Variants in TRIM11 observed in about 807,000 individuals in gnomAD.
TRIM11 encodes the protein tripartite motif containing 11, also known as E3 ubiquitin-protein ligase TRIM11.
In TRIM11, 15 loss-of-function variants were observed where a neutral mutation model predicts 33.4. The observed-to-expected ratio is 0.45, with a 90% CI of 0.30 to 0.69. The LOEUF is 0.69. Ranked by LOEUF, TRIM11 falls within the 30% of genes least tolerant of loss-of-function variation. TRIM11 has a pLI of 0.08. For synonymous variants in TRIM11, 281 were observed against 302.6 expected, an observed-to-expected ratio of 0.93 and a Z score of 0.74; for missense variants, 499 against 667.6, an observed-to-expected ratio of 0.75 and a Z score of 2.78.
At position 228,396,774 on chromosome 1, in the gene TRIM11, C is replaced by T. The variant is rs1401704200; in HGVS notation, c.859+173G>A. 8.2e-6 allele frequency: 6 copies of T among 728,094 alleles called. No homozygotes were observed. The Admixed American group carries it at 1.0e-4, about 12-fold the overall frequency. The allele number at this position is 728,094 out of a possible 1,614,324, so 45.1% of individuals were successfully genotyped here. A position where few individuals can be genotyped will look rare whatever the true frequency, so the allele number is the denominator to read the frequency against. The stretch of plus-strand genomic sequence containing the variant: ...AAGAATTGTTTGGTGTGAAAATACC[C>T]ACACAACTGATGTCAGAAGTATGAG... On this transcript the variant is annotated intron_variant, in intron 5 of 5. Coordinates refer to ENST00000284551, the MANE Select transcript of TRIM11 (RefSeq NM_145214.3).
At chr1:228,397,405 G>C (rs76720744) in intron 3 of TRIM11, 2 of 552,512 alleles carry the variant, frequency 3.6e-6, no homozygotes, top group Admixed American at 3.4e-5. Context: ...CCAGCCCTGC[G>C]GACCAAGGCC....
At chr1:228,404,230 G>C (rs1455249108) in intron 1 of TRIM11, 1 of 152,322 alleles carries the variant, frequency 6.6e-6, no homozygotes, top group Non-Finnish European at 1.5e-5. Flanking sequence ...ACAACCCAGA[G>C]AGATCTGGGG....
chr1:228,395,517 C>CTTTTT lies in TRIM11; in HGVS notation c.860-270_860-266dup. Reference sequence around the variant, plus strand: ...AGATATCAAGAGGGAATCTTGGTTGCTTTTTTTTTTTTTTTTAAAGAGGCA... The same window carrying CTTTTT: ...AGATATCAAGAGGGAATCTTGGTTGCTTTTTTTTTTTTTTTTTTTTTAAAGAGGCA... On this transcript the variant is annotated intron_variant, in intron 5 of 5. Transcript: ENST00000284551. The surrounding 1 kb of genome is among the most constrained non-coding windows in gnomAD (Gnocchi z 4.8). 1 of 238,992 alleles carries CTTTTT rather than the reference C, an allele frequency of 4.2e-6. No individual in the cohort carries two copies. Among genetic ancestry groups the CTTTTT allele is most frequent in the Non-Finnish European group, 7.7e-6 (1 of 129,580 alleles). 14.8% of individuals were successfully genotyped at this position (238,992 alleles called of 1,614,324 possible).
chr1:228,401,046 A>C lies in TRIM11; in HGVS notation c.653T>G (p.Leu218Arg). 6.2e-7 allele frequency: 1 copy of C among 1,612,294 alleles called. No individual in the cohort carries two copies. The highest frequency in any genetic ancestry group is 2.2e-5 in the East Asian group (1 of 44,826). ...AGCTAGGTGGGCGCTCTGCTGGCCT[A>C]GGTGGGCTGCGCCCTCCCGCAGCCG... Reference protein sequence around the residue: ...LPRLREGAAHLGQQSAHLAEL... With the variant: ...LPRLREGAAHRGQQSAHLAEL... Residue 218 changes from leucine to arginine, a missense_variant, in exon 3 of 6, where the codon CTA becomes CGA. Coordinates refer to ENST00000284551, the MANE Select transcript of TRIM11 (RefSeq NM_145214.3). This position sits in a 1 kb window ranked among gnomAD's most constrained non-coding sequence, Gnocchi z 6.1.
chr1:228,406,082 C>CG lies in TRIM11; in HGVS notation c.408+71_408+72insC. On this transcript the variant is annotated intron_variant, in intron 1 of 5. Coordinates refer to ENST00000284551, the MANE Select transcript of TRIM11 (RefSeq NM_145214.3). This position sits in a 1 kb window ranked among gnomAD's most constrained non-coding sequence, Gnocchi z 8.2. ...TTACTCCCGGAGCAGTCCCCCAAAC[C>CG]TCCCACCCGCCCAGGCCTCCCCAGT... is the stretch of plus-strand genomic sequence containing the variant. 8 of 1,269,978 alleles carry CG rather than the reference C, an allele frequency of 6.3e-6. No homozygotes were observed. The highest frequency in any genetic ancestry group is 1.6e-5 in the African/African-American group (1 of 63,280). The allele number at this position is 1,269,978 out of a possible 1,614,324, so 78.7% of individuals were successfully genotyped here.
In TRIM11 at chr1:228,394,935, C is replaced by A; in HGVS notation, c.1177G>T (p.Ala393Ser). Residue 393 changes from alanine to serine, a missense_variant, in exon 6 of 6, where the codon GCC (alanine) becomes TCC (serine). By Grantham distance (99) the Ala-to-Ser change is moderately conservative. Coordinates refer to ENST00000284551, the MANE Select transcript of TRIM11 (RefSeq NM_145214.3). This position sits in a 1 kb window ranked among gnomAD's most constrained non-coding sequence, Gnocchi z 6.2. The part of the protein sequence containing the change: ...LGSYYNSSER[A>S]LAPLRDPPRR... ...GGTGGGTCCCGGAGTGGAGCCAAGG[C>A]CCGTTCCGAGGAATTGTAATAGCTC... is the stretch of plus-strand genomic sequence containing the variant. 3 of 1,614,134 alleles carry A rather than the reference C, an allele frequency of 1.9e-6. No individual in the cohort carries two copies. The highest frequency in any genetic ancestry group is 2.2e-5 in the South Asian group (2 of 91,086).
At position 228,400,197 on chromosome 1, in the gene TRIM11, C is replaced by A. The variant is rs1294329433; in HGVS notation, c.735+767G>T. On this transcript the variant is annotated intron_variant, in intron 3 of 5. Transcript: ENST00000284551. The surrounding 1 kb of genome is among the most constrained non-coding windows in gnomAD (Gnocchi z 4.5). The stretch of plus-strand genomic sequence containing the variant: ...CCCCTTGAGTCTACACCATGCTGGG[C>A]ATGGAACACGTTCTCCATTTTGTGG... 6.6e-6 allele frequency among the ~76,000 whole-genome samples: 1 copy of A among 152,274 alleles called. No individual in the cohort carries two copies. Among genetic ancestry groups the A allele is most frequent in the Admixed American group, 6.5e-5 (1 of 15,294 alleles).
In TRIM11 at chr1:228,395,131, G is replaced by C; in HGVS notation, c.981C>G (p.Pro327=). Residue 327 remains proline, a synonymous_variant, in exon 6 of 6, where the codon CCC becomes CCG. Coordinates refer to ENST00000284551, the MANE Select transcript of TRIM11 (RefSeq NM_145214.3). This position sits in a 1 kb window ranked among gnomAD's most constrained non-coding sequence, Gnocchi z 4.8. Reference sequence around the variant, plus strand: ...GCTCCTGGCCCAGCACGCAGGGGCCGGGGTCAAAGCGCTCTGGGCTGTCCG... The same window carrying C: ...GCTCCTGGCCCAGCACGCAGGGGCCCGGGTCAAAGCGCTCTGGGCTGTCCG... ...ALPDSPERFD[P]GPCVLGQERF... is the part of the protein sequence containing the mutation. 6.3e-7 allele frequency: 1 copy of C among 1,577,454 alleles called. No homozygotes were observed. Among genetic ancestry groups the C allele is most frequent in the South Asian group, 1.2e-5 (1 of 86,202 alleles).
In TRIM11 at chr1:228,395,346, T is replaced by A; in HGVS notation, c.860-94A>T. The A allele has an allele frequency of 3.0e-6, 4 of 1,319,422 alleles. No individual in the cohort carries two copies. Among genetic ancestry groups the A allele is most frequent in the Non-Finnish European group, 3.9e-6 (4 of 1,024,626 alleles). 81.7% of individuals were successfully genotyped at this position (1,319,422 alleles called of 1,614,324 possible). On this transcript the variant is annotated intron_variant, in intron 5 of 5. Transcript: ENST00000284551. The surrounding 1 kb of genome is among the most constrained non-coding windows in gnomAD (Gnocchi z 4.8). Reference sequence around the variant, plus strand: ...GGGCATGTAGGTACAATCCTCCCAGTCGGACGGCCTGGCTCTCTGCCCTGG... The same window carrying A: ...GGGCATGTAGGTACAATCCTCCCAGACGGACGGCCTGGCTCTCTGCCCTGG...
At position 228,406,026 on chromosome 1, in the gene TRIM11, T is replaced by A. The variant is rs925808810; in HGVS notation, c.408+128A>T. ...CCTCACAGGCCCACAGCAGGCTGCA[T>A]CCTGAGCTCCCCGCCCTAGACAGAG... On this transcript the variant is annotated intron_variant, in intron 1 of 5. Transcript: ENST00000284551. This position sits in a 1 kb window ranked among gnomAD's most constrained non-coding sequence, Gnocchi z 8.2. 8 of 1,123,842 alleles carry A rather than the reference T, an allele frequency of 7.1e-6. No individual in the cohort carries two copies. The highest frequency in any genetic ancestry group is 8.1e-6 in the Non-Finnish European group (7 of 866,912). The allele number at this position is 1,123,842 out of a possible 1,614,324, so 69.6% of individuals were successfully genotyped here.
chr1:228,398,635 A>G (rs1399826907), intron 3 of TRIM11, among the ~76,000 whole-genome samples: 1 of 152,122 alleles, frequency 6.6e-6, no homozygotes, highest in Non-Finnish European at 1.5e-5. Context: ...TCATAAATAA[A>G]TAAATAAAGA....
Position 228,406,514 on chromosome 1 carries a change from G to T in TRIM11, c.48C>A (p.Cys16Ter). 2 of 1,578,588 alleles carry T rather than the reference G, an allele frequency of 1.3e-6. No individual in the cohort carries two copies. The highest frequency in any genetic ancestry group is 8.6e-7 in the Non-Finnish European group (1 of 1,163,658). The part of the protein sequence containing the change: ...LSTNLQEEAT[C>*]AICLDYFTDP... ...CCGTGAAGTAGTCGAGGCAGATGGC[G>T]CAGGTGGCCTCCTCCTGGAGGTTGG... Residue 16 changes from cysteine (C) to a stop codon, truncating the protein, a stop_gained, in exon 1 of 6, where the codon TGC becomes TGA. Transcript: ENST00000284551. LOFTEE classifies it high-confidence loss of function. The surrounding 1 kb of genome is among the most constrained non-coding windows in gnomAD (Gnocchi z 8.2).
Position 228,395,206 on chromosome 1 carries a change from C to G in TRIM11, c.906G>C (p.Leu302=). Residue 302 remains leucine (L), a synonymous_variant, in exon 6 of 6, where the codon CTG becomes CTC. Coordinates refer to ENST00000284551, the MANE Select transcript of TRIM11 (RefSeq NM_145214.3). The surrounding 1 kb of genome is among the most constrained non-coding windows in gnomAD (Gnocchi z 4.8). ...GCTGCACGCTCCGCCTGTCTTCAGACAGGATCAGCTCAGGGTTGGCGGTGT... is the reference window on the plus strand; with the variant it reads ...GCTGCACGCTCCGCCTGTCTTCAGAGAGGATCAGCTCAGGGTTGGCGGTGT... The part of the protein sequence containing the change: ...DPDTANPELI[L]SEDRRSVQRG... 6.7e-7 allele frequency: 1 copy of G among 1,495,406 alleles called. No homozygotes were observed. 92.6% of individuals were successfully genotyped at this position (1,495,406 alleles called of 1,614,324 possible).
At position 228,395,677 on chromosome 1, in the gene TRIM11, A is replaced by G. The variant is rs1377951396; in HGVS notation, c.860-425T>C. 6.2e-6 allele frequency: 1 copy of G among 160,304 alleles called. No individual in the cohort carries two copies. Among genetic ancestry groups the G allele is most frequent in the African/African-American group, 2.4e-5 (1 of 41,728 alleles). The allele number at this position is 160,304 out of a possible 1,614,324, so 9.9% of individuals were successfully genotyped here. On this transcript the variant is annotated intron_variant, in intron 5 of 5. Transcript: ENST00000284551. This position sits in a 1 kb window ranked among gnomAD's most constrained non-coding sequence, Gnocchi z 4.8. ...GCTGGGATTACAGGCGTGTGCCACC[A>G]TGGCTGGCTCATTTTTTTGTTTTTT...
At position 228,401,086 on chromosome 1, in the gene TRIM11, G is replaced by C; in HGVS notation, c.613C>G (p.Leu205Val). ...TCCCGCAGCCGGGGCAGCACCTCCA[G>C]CTCCTCCTCCTCCAGCCTCTGCAGC... ...QLLQRLEEEE[L>V]EVLPRLREGA... The change falls in exon 3 of 6, where the codon CTG (leucine) becomes GTG (valine). Residue 205 changes from leucine (L) to valine (V), a missense_variant. Coordinates refer to ENST00000284551, the MANE Select transcript of TRIM11 (RefSeq NM_145214.3). The surrounding 1 kb of genome is among the most constrained non-coding windows in gnomAD (Gnocchi z 6.1). 3 of 1,613,352 alleles carry C rather than the reference G, an allele frequency of 1.9e-6. No individual in the cohort carries two copies. Among genetic ancestry groups the C allele is most frequent in the Non-Finnish European group, 2.5e-6 (3 of 1,179,866 alleles).
In TRIM11 at chr1:228,394,801, C is replaced by T. The variant is rs1348422380; in HGVS notation, c.1311G>A (p.Thr437=). 22 of 1,613,936 alleles carry T rather than the reference C, an allele frequency of 1.4e-5. No individual in the cohort carries two copies. The highest frequency in any genetic ancestry group is 1.6e-4 in the Middle Eastern group (1 of 6,080). ...ACAGGGGTGAGAAGAGGGGCCGCAG[C>T]GTCCCCGAGAAGGGGATCTCGGGAA... ...FIFPEIPFSG[T]LRPLFSPLSS... The change falls in exon 6 of 6, where the codon ACG becomes ACA. Residue 437 remains threonine (T), a synonymous_variant. Coordinates refer to ENST00000284551, the MANE Select transcript of TRIM11 (RefSeq NM_145214.3). The surrounding 1 kb of genome is among the most constrained non-coding windows in gnomAD (Gnocchi z 6.2).
chr1:228,406,086 C>A lies in TRIM11; in HGVS notation c.408+68G>T. The stretch of plus-strand genomic sequence containing the variant: ...TCCCGGAGCAGTCCCCCAAACCTCC[C>A]ACCCGCCCAGGCCTCCCCAGTCCCC... On this transcript the variant is annotated intron_variant, in intron 1 of 5. Transcript: ENST00000284551. The surrounding 1 kb of genome is among the most constrained non-coding windows in gnomAD (Gnocchi z 8.2). 27 of 1,267,760 alleles carry A rather than the reference C, an allele frequency of 2.1e-5. No homozygotes were observed. The highest frequency in any genetic ancestry group is 2.7e-5 in the Non-Finnish European group (27 of 987,084). 78.5% of individuals were successfully genotyped at this position (1,267,760 alleles called of 1,614,324 possible). A position where few individuals can be genotyped will look rare whatever the true frequency, so the allele number is the denominator to read the frequency against.
chr1:228,398,999 GC>G (rs1266991229), intron 3 of TRIM11, among the ~76,000 whole-genome samples: 2 of 152,112 alleles, frequency 1.3e-5, no homozygotes, highest in East Asian at 3.9e-4. Context: ...TACAAGCAGG[GC>G]CTGCTGAAGG....
chr1:228,399,274 C>A (rs1365843600), intron 3 of TRIM11, among the ~76,000 whole-genome samples: 1 of 152,178 alleles, frequency 6.6e-6, no homozygotes, highest in Non-Finnish European at 1.5e-5. Flanking sequence ...TCTCCTGCAA[C>A]CCCCATGTGG....
Sources: gnomAD v4.1 joint callset for allele counts (sites outside exome capture counted in the v4.1 genomes callset) on GRCh38, gnomAD v4.1.1 for gene constraint, Gnocchi (gnomAD v3.1) non-coding constraint, MANE v1.5 for transcripts, NCBI Gene and HGNC (gene_info 2026-07-23, HGNC 2026-07-21) for gene names.